Variants in KCTD1 observed in about 807,000 individuals in gnomAD.
KCTD1 encodes potassium channel tetramerization domain containing 1.
Under a neutral mutation model 66.0 loss-of-function variants are expected in KCTD1, and 24 were observed. The observed-to-expected ratio is 0.36, with a 90% CI of 0.26 to 0.51. The LOEUF is 0.51. KCTD1 is among the 20% of genes least tolerant of loss of function. The pLI is 0.95. For missense variants in KCTD1, 943 were observed against 1,205.2 expected, an observed-to-expected ratio of 0.78 and a Z score of 3.22; for synonymous variants, 511 against 517.2, an observed-to-expected ratio of 0.99 and a Z score of 0.16.
upstream of KCTD1, chr18:26,549,964 GC>G (rs1308344702): frequency 4.9e-6 from 1 of 202,798 alleles, no homozygotes; most frequent in Non-Finnish European, 8.7e-6. Context: ...TCCCAGAGCC[GC>G]CGGGGACCTC....
intron 1 of KCTD1, among the ~76,000 whole-genome samples, chr18:26,563,331 C>T (rs1985905628): frequency 6.6e-6 from 1 of 152,192 alleles, no homozygotes; most frequent in South Asian, 2.1e-4. Context: ...TGAAAACCAA[C>T]AAACCAAACT....
At chr18:26,594,036 C>G (rs1051857995) in intron 1 of KCTD1, among the ~76,000 whole-genome samples, 1 of 152,184 alleles carries the variant, frequency 6.6e-6, no homozygotes, top group African/African-American at 2.4e-5. Flanking sequence ...GATGCCTTCA[C>G]TTATGTGGAA....
chr18:26,567,391 T>C (rs2144890336), intron 1 of KCTD1, among the ~76,000 whole-genome samples: 1 of 152,290 alleles, frequency 6.6e-6, no homozygotes, highest in Admixed American at 6.5e-5. Flanking sequence ...AAGTTAATTG[T>C]GTCTCCATCT....
chr18:26,587,900 T>C (rs1366878374), intron 1 of KCTD1, among the ~76,000 whole-genome samples: 2 of 152,184 alleles, frequency 1.3e-5, no homozygotes, highest in Admixed American at 6.5e-5. Flanking sequence ...TTTCTTGAGA[T>C]GAAATCTACT....
intron 1 of KCTD1, among the ~76,000 whole-genome samples, chr18:26,609,215 A>T (rs964206286): frequency 2.6e-5 from 4 of 152,250 alleles, no homozygotes; most frequent in African/African-American, 9.6e-5. Context: ...ACTGCACTTT[A>T]TATGATACAT....
intron 2 of KCTD1, among the ~76,000 whole-genome samples, chr18:26,486,153 C>T (rs974098483): frequency 3.9e-5 from 6 of 152,324 alleles, no homozygotes; most frequent in Admixed American, 6.5e-5. Flanking sequence ...TCAAGCGATC[C>T]GCCCCACTTG....
chr18:26,651,208 T>C (rs1323222298), intron 1 of KCTD1, among the ~76,000 whole-genome samples: 4 of 152,130 alleles, frequency 2.6e-5, no homozygotes, highest in Non-Finnish European at 5.9e-5. Context: ...TGGAAGCCGG[T>C]GGCAGAACAA....
chr18:26,478,845 G>T (rs1467716606), intron 2 of KCTD1, among the ~76,000 whole-genome samples: 1 of 152,108 alleles, frequency 6.6e-6, no homozygotes, highest in Non-Finnish European at 1.5e-5. Flanking sequence ...TGTGCTCGTG[G>T]TGAACTCAAA....
At chr18:26,582,366 C>T (rs577829312) in intron 1 of KCTD1, among the ~76,000 whole-genome samples, 1 of 152,004 alleles carries the variant, frequency 6.6e-6, no homozygotes, top group African/African-American at 2.4e-5. Flanking sequence ...ACCAAGTTCA[C>T]TCATAAGAGA....
intron 2 of KCTD1, among the ~76,000 whole-genome samples, chr18:26,486,332 G>A (rs1210765935): frequency 1.3e-5 from 2 of 152,222 alleles, no homozygotes; most frequent in African/African-American, 2.4e-5. Flanking sequence ...TGTCCCTGAA[G>A]AGTGAGGGCC....
chr18:26,589,670 A>G (rs1192643795), intron 1 of KCTD1, among the ~76,000 whole-genome samples: 1 of 152,132 alleles, frequency 6.6e-6, no homozygotes, highest in South Asian at 2.1e-4. Flanking sequence ...CCCCATTTTT[A>G]TTCAGATATC....
At chr18:26,520,162 T>A (rs573331614) in intron 1 of KCTD1, among the ~76,000 whole-genome samples, 1 of 152,316 alleles carries the variant, frequency 6.6e-6, no homozygotes, top group East Asian at 1.9e-4. Flanking sequence ...AAAGATCTGG[T>A]TCATGATCAT....
chr18:26,591,401 G>A (rs1210848182), intron 1 of KCTD1: 3 of 152,072 alleles, frequency 2.0e-5, no homozygotes, highest in Admixed American at 6.6e-5. Context: ...CATCCTTTCA[G>A]GAAGGGTTAC....
At chr18:26,630,621 C>T (rs1387510299), upstream of KCTD1, among the ~76,000 whole-genome samples, 1 of 152,170 alleles carries the variant, frequency 6.6e-6, no homozygotes, top group Non-Finnish European at 1.5e-5. Context: ...AGGCATGAGC[C>T]ACTGTGCCCA....
chr18:26,642,486 A>C (rs1411108443), upstream of KCTD1, among the ~76,000 whole-genome samples: 1 of 152,196 alleles, frequency 6.6e-6, no homozygotes, highest in African/African-American at 2.4e-5. Context: ...CCCAATTTTG[A>C]TTTTTAGTTC....
upstream of KCTD1, chr18:26,548,636 C>A: frequency 8.7e-7 from 1 of 1,143,144 alleles, no homozygotes; most frequent in Non-Finnish European, 1.1e-6. Flanking sequence ...TACCGGGAGG[C>A]AAAGCCGGGC....
intron 3 of KCTD1, 34 bp from the exon 4 acceptor site, chr18:26,459,959 T>C (rs1306129633): frequency 2.0e-6 from 3 of 1,482,196 alleles, no homozygotes; most frequent in East Asian, 4.6e-5. Context: ...CAGTGCAAAC[T>C]GCAAACATAA....
chr18:26,484,102 A>G lies in KCTD1; in HGVS notation c.1989-7443T>C, dbSNP rs185605323. On this transcript the variant is annotated intron_variant, in intron 2 of 4. Coordinates refer to ENST00000580059, the MANE Select transcript of KCTD1 (RefSeq NM_001142730.3). Reference sequence around the variant, plus strand: ...TGTTGTTTCAGAAGTCTGCATTATCATAAACAGCATTTAATTCGTTTAAAG... The same window carrying G: ...TGTTGTTTCAGAAGTCTGCATTATCGTAAACAGCATTTAATTCGTTTAAAG... Among the ~76,000 whole-genome samples the G allele has an allele frequency of 2.4e-3, 371 of 152,374 alleles. 2 individuals carry two copies. Among genetic ancestry groups the G allele is most frequent in the South Asian group, 5.4e-3 (26 of 4,832 alleles).
chr18:26,657,417 C>T (rs1027831842), upstream of KCTD1: 39 of 985,182 alleles, frequency 4.0e-5, no homozygotes, highest in Admixed American at 6.1e-5. Flanking sequence ...TCCTCTCCCC[C>T]CTTTTCCGAT....
Sources: gnomAD v4.1 joint callset for allele counts (sites outside exome capture counted in the v4.1 genomes callset) on GRCh38, gnomAD v4.1.1 for gene constraint, MANE v1.5 for transcripts, NCBI Gene and HGNC (gene_info 2026-07-23, HGNC 2026-07-21) for gene names.